SMPD1: variants seen among roughly 807,000 people sequenced by gnomAD.
SMPD1 encodes the protein sphingomyelin phosphodiesterase 1.
SMPD1 carries 47 observed loss-of-function variants against 49.7 expected under a neutral mutation model. The ratio of observed to expected loss-of-function variants is 0.95; its 90% CI spans 0.75 to 1.21. The LOEUF (loss-of-function observed/expected upper bound fraction) is 1.21. Ranked by LOEUF, SMPD1 falls within the 50% of genes most tolerant of loss-of-function variation. The pLI, the probability that SMPD1 is intolerant of heterozygous loss-of-function variation, is 0.00. For synonymous variants in SMPD1, 336 were observed against 339.6 expected (o/e 0.99, Z 0.12); for missense variants, 811 against 822.2 (o/e 0.99, Z 0.17).
rs1012810389 is a variant in SMPD1, at chr11:6,393,934, C to T, written c.1379C>T (p.Thr460Ile). The T allele has an allele frequency of 1.9e-6, 3 of 1,614,096 alleles. No individual in the cohort carries two copies. Among genetic ancestry groups the T allele is most frequent in the African/African-American group, 2.7e-5 (2 of 74,936 alleles). Reference protein sequence around the residue: ...NTLAAQFFGHTHVDEFEVFYD... With the variant: ...NTLAAQFFGHIHVDEFEVFYD... ...CTGGCTGCTCAGTTCTTTGGCCACA[C>T]TCATGTGGATGAATTTGAGGTCTTC... The change falls in exon 5 of 6, where the codon ACT becomes ATT. Residue 460 changes from threonine (T) to isoleucine (I), a missense_variant. By Grantham distance (89) the Thr-to-Ile change is moderately conservative. Transcript: ENST00000342245.
In SMPD1 at chr11:6,391,366, G is replaced by T; in HGVS notation, c.319-18G>T. On this transcript the variant is annotated intron_variant, in intron 1 of 5. Transcript: ENST00000342245. ...TGCTCTGCCTCTGATTTCTCACCAT[G>T]CGCTCCTCCCACTGCAGAAGGAACC... 2 of 1,611,898 alleles carry T rather than the reference G, an allele frequency of 1.2e-6. No individual in the cohort carries two copies. The highest frequency in any genetic ancestry group is 1.7e-6 in the Non-Finnish European group (2 of 1,179,726).
At position 6,392,077 on chromosome 11, in the gene SMPD1, C is replaced by T. The variant is rs1358614854; in HGVS notation, c.1012C>T (p.His338Tyr). 1 of 1,614,136 alleles carries T rather than the reference C, an allele frequency of 6.2e-7. No individual in the cohort carries two copies. Among genetic ancestry groups the T allele is most frequent in the South Asian group, 1.1e-5 (1 of 91,080 alleles). ...SFPPPFIEGNHSSRWLYEAMA... is the reference protein window; with the variant it reads ...SFPPPFIEGNYSSRWLYEAMA... Reference sequence around the variant, plus strand: ...CCCTCCCCCCTTCATTGAGGGCAACCACTCCTCCCGCTGGCTCTATGAAGC... The same window carrying T: ...CCCTCCCCCCTTCATTGAGGGCAACTACTCCTCCCGCTGGCTCTATGAAGC... The change falls in exon 2 of 6, where the codon CAC (histidine) becomes TAC (tyrosine). Residue 338 changes from histidine (H) to tyrosine (Y), a missense_variant. Transcript: ENST00000342245.
chr11:6,390,678 C>T lies in SMPD1; in HGVS notation c.80C>T (p.Ala27Val), dbSNP rs755490852. 6.2e-7 allele frequency: 1 copy of T among 1,611,476 alleles called. No homozygotes were observed. Reference protein sequence around the residue: ...REQGQDGTAGAPGLLWMGLVL... With the variant: ...REQGQDGTAGVPGLLWMGLVL... ...CAGGGACAAGACGGGACCGCCGGAG[C>T]CCCCGGACTCCTTTGGATGGGCCTG... Residue 27 changes from alanine to valine, a missense_variant, in exon 1 of 6, where the codon GCC becomes GTC. Physicochemically the swap from Ala to Val is moderately conservative, Grantham distance 64. Transcript: ENST00000342245.
Position 6,392,913 on chromosome 11 carries a change from C to CT in SMPD1, c.1092-295dup, listed in dbSNP as rs762991293. ...TTGGCCCTCTGGAAATGATTTCCCCCTTTTTTTTAAGTGCTCCAGTTTTTC... is the reference window on the plus strand; with the variant it reads ...TTGGCCCTCTGGAAATGATTTCCCCCTTTTTTTTTAAGTGCTCCAGTTTTTC... On this transcript the variant is annotated intron_variant, in intron 2 of 5. Transcript: ENST00000342245. Among the ~76,000 whole-genome samples the CT allele has an allele frequency of 8.6e-5, 13 of 152,002 alleles. 1 individual carries two copies. The South Asian group carries it at 2.3e-3, about 27-fold the overall frequency.
At chr11:6,394,149 G>A in intron 5 of SMPD1, 49 bp from the exon 6 acceptor site, 1 of 1,613,914 alleles carries the variant, frequency 6.2e-7, no homozygotes, top group Non-Finnish European at 8.5e-7. Context: ...GCCCCTCCCT[G>A]GAGTTACCCT....
intron 2 of SMPD1, 46 bp downstream of exon 2, chr11:6,392,202 T>C (rs1564924802): frequency 6.2e-7 from 1 of 1,611,868 alleles, no homozygotes; most frequent in Non-Finnish European, 8.5e-7. Context: ...GAAAGGTGAA[T>C]GAAAGTGAAG....
At chr11:6,393,472 T>C (rs893048702) in intron 3 of SMPD1, 85 bp downstream of exon 3, 3 of 1,502,364 alleles carry the variant, frequency 2.0e-6, no homozygotes, top group Non-Finnish European at 2.8e-6. Flanking sequence ...ACAGAAGTTT[T>C]ATTTTCCTGG....
At position 6,392,098 on chromosome 11, in the gene SMPD1, G is replaced by A. The variant is rs1847951669; in HGVS notation, c.1033G>A (p.Glu345Lys). The change falls in exon 2 of 6, where the codon GAA becomes AAA. Residue 345 changes from glutamate (E) to lysine (K), a missense_variant. Glu to Lys is a moderately conservative substitution (Grantham distance 56). Transcript: ENST00000342245. ...EGNHSSRWLY[E>K]AMAKAWEPWL... Reference sequence around the variant, plus strand: ...CAACCACTCCTCCCGCTGGCTCTATGAAGCGATGGCCAAGGCTTGGGAGCC... The same window carrying A: ...CAACCACTCCTCCCGCTGGCTCTATAAAGCGATGGCCAAGGCTTGGGAGCC... 6.2e-7 allele frequency: 1 copy of A among 1,614,160 alleles called. No individual in the cohort carries two copies. The highest frequency in any genetic ancestry group is 1.3e-5 in the African/African-American group (1 of 75,026).
At chr11:6,394,071 T>C (rs1458690752) in intron 5 of SMPD1, 30 bp downstream of exon 5, 1 of 1,613,896 alleles carries the variant, frequency 6.2e-7, no homozygotes, top group Non-Finnish European at 8.5e-7. Flanking sequence ...GCCTCCCTTA[T>C]CCTGGAGTTG....
At position 6,391,656 on chromosome 11, in the gene SMPD1, T is replaced by C. The variant is rs1328127205; in HGVS notation, c.591T>C (p.Gly197=). ...AACCCCCTAGCCCCCCAGCCCCAGGTGCCCCTGTCAGCCGCATCCTCTTCC... is the reference window on the plus strand; with the variant it reads ...AACCCCCTAGCCCCCCAGCCCCAGGCGCCCCTGTCAGCCGCATCCTCTTCC... The part of the protein sequence containing the change: ...PPKPPSPPAP[G]APVSRILFLT... The change falls in exon 2 of 6, where the codon GGT becomes GGC. Residue 197 remains glycine, a synonymous_variant. Transcript: ENST00000342245. The C allele has an allele frequency of 3.8e-6, 4 of 1,059,978 alleles. No homozygotes were observed. The highest frequency in any genetic ancestry group is 5.4e-5 in the East Asian group (1 of 18,448). The allele number at this position is 1,059,978 out of a possible 1,614,324, so 65.7% of individuals were successfully genotyped here.
At chr11:6,393,528 T>G in intron 3 of SMPD1, 89 bp from the exon 4 acceptor site, 1 of 1,389,076 alleles carries the variant, frequency 7.2e-7, no homozygotes, top group South Asian at 1.2e-5. Flanking sequence ...TGGTCACTGT[T>G]GAAAGCCTTC....
Position 6,394,662 on chromosome 11 carries a change from C to T in SMPD1, c.*55C>T. On this transcript the variant is annotated 3_prime_UTR_variant, in exon 6 of 6. Coordinates refer to ENST00000342245, the MANE Select transcript of SMPD1 (RefSeq NM_000543.5). Reference sequence around the variant, plus strand: ...TTGATGTAGGAAAGGGTGAAAAAGCCCAAATGCTGCTGTGGTTCAACCAGG... The same window carrying T: ...TTGATGTAGGAAAGGGTGAAAAAGCTCAAATGCTGCTGTGGTTCAACCAGG... 6.9e-7 allele frequency: 1 copy of T among 1,447,122 alleles called. No homozygotes were observed. Among genetic ancestry groups the T allele is most frequent in the Non-Finnish European group, 9.5e-7 (1 of 1,047,354 alleles). The allele number at this position is 1,447,122 out of a possible 1,614,324, so 89.6% of individuals were successfully genotyped here.
rs1370874342 is a variant in SMPD1, at chr11:6,392,486, C to T, written c.1091+330C>T. Among the ~76,000 whole-genome samples, 187 of 45,750 alleles carry T rather than the reference C, an allele frequency of 4.1e-3. 1 individual carries two copies. Among genetic ancestry groups the T allele is most frequent in the Middle Eastern group, 0.029 (1 of 34 alleles). The allele number at this position is 45,750 out of a possible 152,430, so 30.0% of individuals were successfully genotyped here. A position where few individuals can be genotyped will look rare whatever the true frequency, so the allele number is the denominator to read the frequency against. On this transcript the variant is annotated intron_variant, in intron 2 of 5. Coordinates refer to ENST00000342245, the MANE Select transcript of SMPD1 (RefSeq NM_000543.5). ...CATCAGCTACTGCTCCTGGCCCTCCCTTTTTTTTTTTTTTTTTTTTTTTTT... is the reference window on the plus strand; with the variant it reads ...CATCAGCTACTGCTCCTGGCCCTCCTTTTTTTTTTTTTTTTTTTTTTTTTT...
intron 1 of SMPD1, 128 bp downstream of exon 1, chr11:6,391,044 C>T (rs1050647792): frequency 8.1e-7 from 1 of 1,237,746 alleles, no homozygotes; most frequent in South Asian, 1.3e-5. Flanking sequence ...CAATCCATCA[C>T]TGAGTTTGCT....
At position 6,394,541 on chromosome 11, in the gene SMPD1, C is replaced by G; in HGVS notation, c.1830C>G (p.Arg610=). ...GTGCTGACAGCCCTGCTCTGTGCCG[C>G]CACCTGATGCCAGATGGGAGCCTCC... ...SARADSPALC[R]HLMPDGSLPE... is the part of the protein sequence containing the mutation. The change falls in exon 6 of 6, where the codon CGC becomes CGG. Residue 610 remains arginine (R), a synonymous_variant. Coordinates refer to ENST00000342245, the MANE Select transcript of SMPD1 (RefSeq NM_000543.5). 1 of 1,609,144 alleles carries G rather than the reference C, an allele frequency of 6.2e-7. No individual in the cohort carries two copies.
In SMPD1 at chr11:6,394,865, T is replaced by A. The variant is rs1848120804; in HGVS notation, c.*258T>A. 5.4e-6 allele frequency: 3 copies of A among 557,114 alleles called. No individual in the cohort carries two copies. The East Asian group carries it at 9.3e-5, about 17-fold the overall frequency. 34.5% of individuals were successfully genotyped at this position (557,114 alleles called of 1,614,324 possible). On this transcript the variant is annotated 3_prime_UTR_variant, in exon 6 of 6. Transcript: ENST00000342245. ...CACAGCCATGGAGTAGAGGCCTAAG[T>A]TGACACTGCCCTGGGCAGACAAGAC...
chr11:6,391,318 G>A, intron 1 of SMPD1, 66 bp from the exon 2 acceptor site: 1 of 1,541,468 alleles, frequency 6.5e-7, no homozygotes, highest in South Asian at 1.1e-5. Flanking sequence ...AGGGGTGGTG[G>A]CCAGGGGTTG....
rs1848115911 is a variant in SMPD1, at chr11:6,394,760, G to A, written c.*153G>A. ...GGGAAACAGGACCTTCTCCTTTCCTGGAGCTGGTTTAGCTGGATATGGGAG... is the reference window on the plus strand; with the variant it reads ...GGGAAACAGGACCTTCTCCTTTCCTAGAGCTGGTTTAGCTGGATATGGGAG... On this transcript the variant is annotated 3_prime_UTR_variant, in exon 6 of 6. Coordinates refer to ENST00000342245, the MANE Select transcript of SMPD1 (RefSeq NM_000543.5). 1 of 714,070 alleles carries A rather than the reference G, an allele frequency of 1.4e-6. No individual in the cohort carries two copies. Among genetic ancestry groups the A allele is most frequent in the South Asian group, 1.7e-5 (1 of 58,088 alleles). The allele number at this position is 714,070 out of a possible 1,614,324, so 44.2% of individuals were successfully genotyped here.
rs1692238412 is a variant in SMPD1 at position 6,393,354 on chromosome 11, G to A, written c.1230G>A (p.Gly410=). 1 of 1,613,934 alleles carries A rather than the reference G, an allele frequency of 6.2e-7. No homozygotes were observed. The highest frequency in any genetic ancestry group is 8.5e-7 in the Non-Finnish European group (1 of 1,179,840). Residue 410 remains glycine (G), a synonymous_variant, in exon 3 of 6, where the codon GGG becomes GGA. Coordinates refer to ENST00000342245, the MANE Select transcript of SMPD1 (RefSeq NM_000543.5). The part of the protein sequence containing the change: ...DPAGQLQWLV[G]ELQAAEDRGD... ...CAGGACAGCTCCAGTGGCTGGTGGG[G>A]GAGCTTCAGGCTGCTGAGGATCGAG...
Sources: allele counts gnomAD v4.1 joint callset (sites outside exome capture counted in the v4.1 genomes callset), GRCh38; gene constraint gnomAD v4.1.1; transcripts MANE v1.5; gene names NCBI Gene and HGNC (gene_info 2026-07-23, HGNC 2026-07-21).